Variants in CDK14 observed in about 807,000 individuals in gnomAD.
The protein encoded by CDK14 is cyclin dependent kinase 14, also known as cyclin-dependent kinase 14.
CDK14 carries 34 observed loss-of-function variants against 60.7 expected under a neutral mutation model. That is an observed-to-expected ratio of 0.56 (90% CI 0.43 to 0.75). CDK14 has a LOEUF of 0.75. CDK14 is among the 30% of genes least tolerant of loss of function. The pLI is 0.00. For missense variants in CDK14, 482 were observed against 564.1 expected (o/e 0.85, Z 1.47); for synonymous variants, 197 against 203.7 (o/e 0.97, Z 0.28).
At chr7:90,865,666 AAG>A (rs1001155775) in intron 6 of CDK14, among the ~76,000 whole-genome samples, 1 of 152,150 alleles carries the variant, frequency 6.6e-6, no homozygotes, top group Admixed American at 6.6e-5. Flanking sequence ...GGGCCACAGA[AAG>A]AGAGGCAAAA....
chr7:90,676,772 G>C (rs1801208166), intron 2 of CDK14, among the ~76,000 whole-genome samples: 1 of 152,038 alleles, frequency 6.6e-6, no homozygotes, highest in Non-Finnish European at 1.5e-5. Context: ...CTGGGCTCAA[G>C]GGGTCTTCCT....
intron 6 of CDK14, among the ~76,000 whole-genome samples, chr7:90,881,348 G>C (rs1791746740): frequency 6.6e-6 from 1 of 152,104 alleles, no homozygotes; most frequent in Non-Finnish European, 1.5e-5. Flanking sequence ...AAGGATATCA[G>C]AGTTTGAAGA....
At chr7:90,909,961 A>G (rs369269055) in intron 7 of CDK14, among the ~76,000 whole-genome samples, 1 of 152,206 alleles carries the variant, frequency 6.6e-6, no homozygotes, top group Admixed American at 6.5e-5. Context: ...CAGTGGCAAG[A>G]CAAACTCCTC....
At position 91,201,742 on chromosome 7, in the gene CDK14, TAGAA is replaced by T. The variant is rs1166599351; in HGVS notation, c.*29-5419_*29-5416del. ...GATTTAACAGGAGCACAGAGGGAATTAGAAAGAGCCTGGCTCGTTTTTAATTTGG... is the reference window on the plus strand; with the variant it reads ...GATTTAACAGGAGCACAGAGGGAATTAGAGCCTGGCTCGTTTTTAATTTGG... On this transcript the variant is annotated intron_variant, in intron 14 of 14. Transcript: ENST00000380050. 4.6e-5 allele frequency among the ~76,000 whole-genome samples: 7 copies of T among 152,276 alleles called. No individual in the cohort carries two copies. The East Asian group carries it at 1.4e-3, about 29-fold the overall frequency.
At chr7:90,839,152 C>T (rs545004128) in intron 5 of CDK14, among the ~76,000 whole-genome samples, 10 of 152,178 alleles carry the variant, frequency 6.6e-5, no homozygotes, top group African/African-American at 2.4e-4. Context: ...GGGTGGTTCC[C>T]CTGATAGTTG....
At chr7:90,597,078 C>A (rs112235942) in intron 1 of CDK14, 3 of 249,442 alleles carry the variant, frequency 1.2e-5, no homozygotes, top group Non-Finnish European at 2.3e-5. Flanking sequence ...TTATTTTTTG[C>A]GCACAGGCTT....
chr7:91,179,802 C>CA (rs554031785), intron 14 of CDK14, among the ~76,000 whole-genome samples: 5,850 of 140,318 alleles, frequency 0.042, 232 homozygotes, highest in East Asian at 0.22. Context: ...GACTCCGTCT[C>CA]AAAAAAAAAA....
At chr7:91,006,115 G>C (rs1056766842) in intron 10 of CDK14, among the ~76,000 whole-genome samples, 1 of 152,218 alleles carries the variant, frequency 6.6e-6, no homozygotes, top group African/African-American at 2.4e-5. Context: ...TGGACTGCAG[G>C]GCATCTGGGA....
intron 2 of CDK14, among the ~76,000 whole-genome samples, chr7:90,690,498 A>G (rs1327301906): frequency 2.6e-5 from 4 of 152,306 alleles, no homozygotes; most frequent in South Asian, 4.1e-4. Context: ...ATATTTTACT[A>G]TTAACTTCTT....
At chr7:91,122,059 T>C (rs1799795366) in intron 14 of CDK14, among the ~76,000 whole-genome samples, 1 of 152,198 alleles carries the variant, frequency 6.6e-6, no homozygotes, top group Non-Finnish European at 1.5e-5. Context: ...GTTTTGTAAT[T>C]TTTCTGAAAT....
intron 8 of CDK14, among the ~76,000 whole-genome samples, chr7:90,950,154 G>C (rs1267224948): frequency 6.6e-6 from 1 of 152,172 alleles, no homozygotes; most frequent in African/African-American, 2.4e-5. Context: ...TCGGCTCACT[G>C]CAACCTCCGC....
At chr7:90,732,388 T>C (rs1457937366) in intron 3 of CDK14, among the ~76,000 whole-genome samples, 1 of 152,208 alleles carries the variant, frequency 6.6e-6, no homozygotes, top group East Asian at 1.9e-4. Flanking sequence ...TCTTTTTCTG[T>C]TGTTTGGAAT....
At chr7:90,843,940 T>C (rs1790380958) in intron 5 of CDK14, among the ~76,000 whole-genome samples, 1 of 152,202 alleles carries the variant, frequency 6.6e-6, no homozygotes, top group Non-Finnish European at 1.5e-5. Context: ...ATAGCATCTT[T>C]AAATTTTTAC....
At chr7:91,067,509 C>T (rs1004163402) in intron 11 of CDK14, among the ~76,000 whole-genome samples, 1 of 152,170 alleles carries the variant, frequency 6.6e-6, no homozygotes, top group East Asian at 1.9e-4. Flanking sequence ...CTGTCTGTAT[C>T]CATACTGTAG....
At position 90,833,689 on chromosome 7, in the gene CDK14, G is replaced by A. The variant is rs182046522; in HGVS notation, c.545-29486G>A. Among the ~76,000 whole-genome samples the A allele has an allele frequency of 4.5e-3, 689 of 152,200 alleles. 4 individuals carry two copies. The highest frequency in any genetic ancestry group is 5.6e-3 in the Non-Finnish European group (380 of 67,996). On this transcript the variant is annotated intron_variant, in intron 5 of 14. Transcript: ENST00000380050. ...CAGATAGTCTGACTAGTATTGCAAG[G>A]TTTATTTTAGTGTATGAATCATTAG...
At chr7:90,665,641 C>A (rs916552012) in intron 2 of CDK14, among the ~76,000 whole-genome samples, 5 of 152,152 alleles carry the variant, frequency 3.3e-5, no homozygotes, top group African/African-American at 1.2e-4. Flanking sequence ...GAAGTCTTCT[C>A]TCCTTTCTAG....
intron 7 of CDK14, among the ~76,000 whole-genome samples, chr7:90,905,315 T>A (rs1361721380): frequency 1.3e-5 from 2 of 152,130 alleles, no homozygotes; most frequent in Non-Finnish European, 2.9e-5. Context: ...GGAAAAGAAT[T>A]TGGTGTTGAA....
At chr7:91,011,274 G>A (rs1796151818) in intron 10 of CDK14, among the ~76,000 whole-genome samples, 1 of 152,048 alleles carries the variant, frequency 6.6e-6, no homozygotes, top group Non-Finnish European at 1.5e-5. Flanking sequence ...TTAATAAATA[G>A]GGGAGAGGGT....
At chr7:90,635,775 A>G (rs1042950624) in intron 2 of CDK14, among the ~76,000 whole-genome samples, 7 of 152,092 alleles carry the variant, frequency 4.6e-5, no homozygotes, top group East Asian at 1.9e-4. Context: ...AGCATGGAAT[A>G]TTCTTCCATT....
Sources: gnomAD v4.1 joint callset for allele counts (sites outside exome capture counted in the v4.1 genomes callset) on GRCh38, gnomAD v4.1.1 for gene constraint, MANE v1.5 for transcripts, NCBI Gene and HGNC (gene_info 2026-07-23, HGNC 2026-07-21) for gene names.